ASH1L: variants seen among roughly 807,000 people sequenced by gnomAD.
ASH1L encodes the protein histone-lysine N-methyltransferase ASH1L.
ASH1L carries 23 observed loss-of-function variants against 269.0 expected under a neutral mutation model. That is an observed-to-expected ratio of 0.09 (90% CI 0.06 to 0.12). The LOEUF (loss-of-function observed/expected upper bound fraction) is 0.12. Among genes scored for constraint, ASH1L ranks in the 10% least tolerant of loss-of-function variants. ASH1L has a pLI of 1.00. For synonymous variants in ASH1L, 1,187 were observed against 1,253.5 expected (o/e 0.95, Z 1.12); for missense variants, 2,912 against 3,567.8 (o/e 0.82, Z 4.68).
chr1:155,395,548 T>C lies in ASH1L; in HGVS notation c.6014A>G (p.Lys2005Arg), dbSNP rs750457683. ...YSDVYKTTDPKSRLIQLKKEK... is the reference protein window; with the variant it reads ...YSDVYKTTDPRSRLIQLKKEK... ...TTTCTTTAATTGGATCAATCGACTC[T>C]TTGGGCTGTGATAAAAAAAGAATGG... The change falls in exon 7 of 28, where the codon AAG (lysine) becomes AGG (arginine). Residue 2005 changes from lysine (K) to arginine (R), a missense_variant. Coordinates refer to ENST00000392403, the MANE Select transcript of ASH1L (RefSeq NM_018489.3). The C allele has an allele frequency of 1.2e-5, 20 of 1,605,026 alleles. No individual in the cohort carries two copies. Among genetic ancestry groups the C allele is most frequent in the Non-Finnish European group, 1.7e-5 (20 of 1,177,342 alleles).
At chr1:155,450,227 C>A (rs1478742928) in intron 4 of ASH1L, among the ~76,000 whole-genome samples, 3 of 152,128 alleles carry the variant, frequency 2.0e-5, no homozygotes, top group Non-Finnish European at 4.4e-5. Flanking sequence ...TTTCTCTTTA[C>A]AATCGTTTTC....
intron 12 of ASH1L, among the ~76,000 whole-genome samples, chr1:155,363,841 C>T (rs930323323): frequency 2.7e-5 from 4 of 150,714 alleles, no homozygotes; most frequent in African/African-American, 9.8e-5. Flanking sequence ...GGTGTAGGGA[C>T]GCATGCCTTT....
chr1:155,441,822 G>C (rs1662603017), intron 4 of ASH1L, among the ~76,000 whole-genome samples: 1 of 148,416 alleles, frequency 6.7e-6, no homozygotes, highest in Admixed American at 6.7e-5. Context: ...TTGGAGTGCA[G>C]TGGCACAATC....
chr1:155,425,782 T>C (rs1046339107), intron 5 of ASH1L, among the ~76,000 whole-genome samples: 33 of 152,108 alleles, frequency 2.2e-4, no homozygotes, highest in African/African-American at 7.7e-4. Flanking sequence ...TTTCACCACG[T>C]TGGCCAGGCT....
chr1:155,462,921 A>C (rs532923430), intron 3 of ASH1L, among the ~76,000 whole-genome samples: 8 of 152,324 alleles, frequency 5.3e-5, no homozygotes, highest in Non-Finnish European at 8.8e-5. Flanking sequence ...GGCAGTAAGA[A>C]GATGAGGATA....
Position 155,338,276 on chromosome 1 carries a change from C to G in ASH1L, c.8616G>C (p.Glu2872Asp). The G allele has an allele frequency of 6.2e-7, 1 of 1,613,986 alleles. No homozygotes were observed. Among genetic ancestry groups the G allele is most frequent in the East Asian group, 2.2e-5 (1 of 44,872 alleles). ...VLASQEQAAN[E>D]IPSLEEPERE... ...GTTCTGGCTCCTCCAGGCTGGGTATCTCATTGGCTGCTTGCTCTTGACTGG... is the reference window on the plus strand; with the variant it reads ...GTTCTGGCTCCTCCAGGCTGGGTATGTCATTGGCTGCTTGCTCTTGACTGG... The change falls in exon 27 of 28, where the codon GAG becomes GAC. Residue 2872 changes from glutamate to aspartate, a missense_variant. Physicochemically the swap from Glu to Asp is conservative, Grantham distance 45. Around this residue, in one of 13 missense-constraint regions of ASH1L, gnomAD observed 154 missense variants for 165.0 expected, o/e 0.93. Coordinates refer to ENST00000392403, the MANE Select transcript of ASH1L (RefSeq NM_018489.3).
At chr1:155,470,723 TG>T (rs1665036475) in intron 3 of ASH1L, among the ~76,000 whole-genome samples, 1 of 151,960 alleles carries the variant, frequency 6.6e-6, no homozygotes, top group Admixed American at 6.6e-5. Context: ...GGCTAATTTT[TG>T]TATTTTTAGT....
chr1:155,400,086 G>A (rs1296241790), intron 6 of ASH1L, among the ~76,000 whole-genome samples: 2 of 152,166 alleles, frequency 1.3e-5, no homozygotes, highest in Admixed American at 1.3e-4. Context: ...GGTGGCTCAC[G>A]CCTGTAATCC....
intron 4 of ASH1L, among the ~76,000 whole-genome samples, chr1:155,442,381 G>A (rs918047983): frequency 1.5e-4 from 23 of 151,738 alleles, no homozygotes; most frequent in Admixed American, 6.6e-4. Flanking sequence ...TCAGGAGTTT[G>A]AAACCAGCCT....
At chr1:155,518,917 G>C (rs984787849) in intron 2 of ASH1L, among the ~76,000 whole-genome samples, 5 of 152,144 alleles carry the variant, frequency 3.3e-5, no homozygotes, top group African/African-American at 1.2e-4. Context: ...ATGCATTGCT[G>C]ATGGGATATG....
chr1:155,445,800 A>G (rs1056801767), intron 4 of ASH1L, among the ~76,000 whole-genome samples: 2 of 152,252 alleles, frequency 1.3e-5, no homozygotes, highest in Admixed American at 6.5e-5. Flanking sequence ...TTTTTCTCAA[A>G]AAGACTTTGT....
chr1:155,531,020 T>A (rs1669637547), intron 1 of ASH1L, among the ~76,000 whole-genome samples: 1 of 151,998 alleles, frequency 6.6e-6, no homozygotes, highest in African/African-American at 2.4e-5. Context: ...TAGCTGGGTG[T>A]GGTGGGACAC....
chr1:155,497,925 T>G (rs1160794853), intron 2 of ASH1L, among the ~76,000 whole-genome samples: 1 of 151,606 alleles, frequency 6.6e-6, no homozygotes, highest in Admixed American at 6.6e-5. Context: ...AATTTTTTTT[T>G]GTATTTTTAG....
At chr1:155,519,729 G>A (rs1668747788) in intron 2 of ASH1L, among the ~76,000 whole-genome samples, 1 of 152,006 alleles carries the variant, frequency 6.6e-6, no homozygotes, top group Admixed American at 6.5e-5. Context: ...CGCAACCTGA[G>A]CTCACTGCAA....
intron 3 of ASH1L, among the ~76,000 whole-genome samples, chr1:155,464,993 G>C (rs1451434088): frequency 1.3e-5 from 2 of 151,972 alleles, no homozygotes; most frequent in African/African-American, 4.8e-5. Flanking sequence ...CAGAAACCAA[G>C]AACCTGTTTT....
chr1:155,521,346 G>T lies in ASH1L; in HGVS notation c.174C>A (p.Ile58=), dbSNP rs553336107. Residue 58 remains isoleucine (I), a synonymous_variant, in exon 2 of 28, where the codon ATC becomes ATA. Coordinates refer to ENST00000392403, the MANE Select transcript of ASH1L (RefSeq NM_018489.3). The part of the protein sequence containing the change: ...DLRKRNRERN[I]EAGKDDGLTD... ...TCAAACCATCATCTTTCCCAGCTTC[G>T]ATGTTTCTTTCTCGATTCCGTTTGC... 1.2e-6 allele frequency: 2 copies of T among 1,614,022 alleles called. No homozygotes were observed. The highest frequency in any genetic ancestry group is 2.2e-5 in the South Asian group (2 of 91,078).
At chr1:155,485,343 G>T (rs1416118965) in intron 2 of ASH1L, among the ~76,000 whole-genome samples, 1 of 151,496 alleles carries the variant, frequency 6.6e-6, no homozygotes, top group Non-Finnish European at 1.5e-5. Context: ...TTAAGAGATG[G>T]GGTCTTGCTC....
In ASH1L at chr1:155,352,790, C is replaced by T. The variant is rs1302571755; in HGVS notation, c.7282G>A (p.Ala2428Thr). ...RSVRTRRLAA[A>T]EENIEVARAA... ...CGAGCCACTTCAATATTTTCCTCTGCAGCTGCCAACCGTCTTGTTCGAACA... is the reference window on the plus strand; with the variant it reads ...CGAGCCACTTCAATATTTTCCTCTGTAGCTGCCAACCGTCTTGTTCGAACA... The change falls in exon 17 of 28, where the codon GCA becomes ACA. Residue 2428 changes from alanine (A) to threonine (T), a missense_variant. This residue lies in a region of ASH1L where 309 missense variants were observed against 435.1 expected (regional missense o/e 0.71). Coordinates refer to ENST00000392403, the MANE Select transcript of ASH1L (RefSeq NM_018489.3). The T allele has an allele frequency of 6.2e-7, 1 of 1,614,148 alleles. No individual in the cohort carries two copies. The highest frequency in any genetic ancestry group is 2.2e-5 in the East Asian group (1 of 44,888).
chr1:155,350,176 G>A (rs1231245419), intron 17 of ASH1L, among the ~76,000 whole-genome samples: 6 of 151,996 alleles, frequency 3.9e-5, no homozygotes, highest in South Asian at 2.1e-4. Flanking sequence ...GTGAGCCACC[G>A]TGTCCGGCCA....
Sources: gnomAD v4.1 joint callset for allele counts (sites outside exome capture counted in the v4.1 genomes callset) on GRCh38, gnomAD v4.1.1 for gene constraint, gnomAD v4.1.1 regional missense constraint, MANE v1.5 for transcripts, NCBI Gene and HGNC (gene_info 2026-07-23, HGNC 2026-07-21) for gene names.